NCAM1: variants seen among roughly 807,000 people sequenced by gnomAD.
The protein encoded by NCAM1 is neural cell adhesion molecule 1.
NCAM1 carries 14 observed loss-of-function variants against 109.8 expected under a neutral mutation model. That is an observed-to-expected ratio of 0.13 (90% CI 0.08 to 0.20). NCAM1 has a LOEUF of 0.20. Ranked by LOEUF, NCAM1 falls within the 10% of genes least tolerant of loss-of-function variation. The probability of loss-of-function intolerance (pLI) is 1.00; values close to 1 mark genes in which losing one functional copy is unlikely to be tolerated. For missense variants in NCAM1, 774 were observed against 1,109.9 expected (o/e 0.70, Z 4.30); for synonymous variants, 418 against 442.9 (o/e 0.94, Z 0.70).
At chr11:112,961,752 GT>G in intron 1 of NCAM1, 88 bp downstream of exon 1, 1 of 851,866 alleles carries the variant, frequency 1.2e-6, no homozygotes, top group Non-Finnish European at 1.9e-6. Context: ...ATTTTGGGTG[GT>G]TTTACGTGGA....
In NCAM1 at chr11:113,271,814, C is replaced by A. The variant is rs564202565; in HGVS notation, c.2394C>A (p.Thr798=). 1.1e-5 allele frequency: 18 copies of A among 1,572,422 alleles called. No individual in the cohort carries two copies. The highest frequency in any genetic ancestry group is 1.5e-5 in the Non-Finnish European group (17 of 1,159,246). ...IVEVRTEEER[T]PNHDGGKHTE... is the part of the protein sequence containing the mutation. ...AGGTTCGAACGGAGGAGGAGAGGAC[C>A]CCAAACCATGATGGAGGGAAACACA... The change falls in exon 19 of 20, where the codon ACC becomes ACA. Residue 798 remains threonine, a synonymous_variant. Transcript: ENST00000316851.
chr11:113,001,949 G>A (rs565093289), intron 1 of NCAM1, among the ~76,000 whole-genome samples: 25 of 152,256 alleles, frequency 1.6e-4, no homozygotes, highest in African/African-American at 4.1e-4. Flanking sequence ...GCTTCTCTCC[G>A]TGGAGAGGCA....
intron 1 of NCAM1, among the ~76,000 whole-genome samples, chr11:113,007,169 G>A (rs1555073453): frequency 6.6e-6 from 1 of 152,138 alleles, no homozygotes; most frequent in African/African-American, 2.4e-5. Flanking sequence ...GGGAGCAGGG[G>A]AATGTAAGAT....
At chr11:113,252,910 C>T (rs909490990) in intron 15 of NCAM1, among the ~76,000 whole-genome samples, 25 of 148,894 alleles carry the variant, frequency 1.7e-4, no homozygotes, top group African/African-American at 5.2e-4. Context: ...CTCAGCCTCC[C>T]GAAGTCCTAG....
intron 1 of NCAM1, among the ~76,000 whole-genome samples, chr11:113,065,294 A>T (rs1212067046): frequency 1.3e-5 from 2 of 152,240 alleles, no homozygotes; most frequent in African/African-American, 4.8e-5. Flanking sequence ...TCAGGAGAAG[A>T]GACAAATTTC....
chr11:113,182,259 T>G (rs1208643109), intron 1 of NCAM1, among the ~76,000 whole-genome samples: 1 of 152,162 alleles, frequency 6.6e-6, no homozygotes, highest in African/African-American at 2.4e-5. Flanking sequence ...TCCTACCAGA[T>G]GGCAATATGT....
At chr11:113,138,324 C>T (rs1164164358) in intron 1 of NCAM1, among the ~76,000 whole-genome samples, 9 of 152,208 alleles carry the variant, frequency 5.9e-5, no homozygotes, top group East Asian at 3.9e-4. Context: ...TGCTGTTCCC[C>T]GCATTTCCTA....
chr11:113,240,559 A>T lies in NCAM1; in HGVS notation c.1825+5395A>T. ...CTGTTCCTGGCCCAGACTTTACCTG[A>T]ACTGCAGGGTTTGGCAGGTGCACAG... On this transcript the variant is annotated intron_variant, in intron 14 of 19. Coordinates refer to ENST00000316851, the MANE Select transcript of NCAM1 (RefSeq NM_181351.5). 8 of 556,904 alleles carry T rather than the reference A, an allele frequency of 1.4e-5. No homozygotes were observed. In the South Asian group the frequency reaches 2.0e-4, roughly 14 times the overall value. 34.5% of individuals were successfully genotyped at this position (556,904 alleles called of 1,614,324 possible).
At chr11:113,249,592 T>A (rs1945600677) in intron 15 of NCAM1, among the ~76,000 whole-genome samples, 1 of 152,218 alleles carries the variant, frequency 6.6e-6, no homozygotes, top group Non-Finnish European at 1.5e-5. Flanking sequence ...AGCCCCCTTG[T>A]GGCCTTGGAG....
chr11:113,258,564 C>A lies in NCAM1; in HGVS notation c.1954-1582C>A, dbSNP rs79167665. On this transcript the variant is annotated intron_variant, in intron 16 of 19. Coordinates refer to ENST00000316851, the MANE Select transcript of NCAM1 (RefSeq NM_181351.5). ...CAAATACAGTTTGATAGGAGAAATA[C>A]GGCCAAGTGTTTGATAGATCAGTAG... Among the ~76,000 whole-genome samples, 281 of 152,300 alleles carry A rather than the reference C, an allele frequency of 1.8e-3. 1 individual carries two copies. Among genetic ancestry groups the A allele is most frequent in the African/African-American group, 6.4e-3 (267 of 41,564 alleles).
chr11:113,152,968 G>A (rs1555102739), intron 1 of NCAM1, among the ~76,000 whole-genome samples: 1 of 152,170 alleles, frequency 6.6e-6, no homozygotes, highest in African/African-American at 2.4e-5. Context: ...ATGAATTATA[G>A]AGGGTCGAGC....
At chr11:112,986,932 A>C (rs1951321623) in intron 1 of NCAM1, among the ~76,000 whole-genome samples, 1 of 151,836 alleles carries the variant, frequency 6.6e-6, no homozygotes, top group African/African-American at 2.4e-5. Context: ...TTTTAAATTA[A>C]CTTTGTGCTT....
At chr11:113,106,873 G>C (rs529308886) in intron 1 of NCAM1, among the ~76,000 whole-genome samples, 3 of 152,232 alleles carry the variant, frequency 2.0e-5, no homozygotes, top group Non-Finnish European at 4.4e-5. Flanking sequence ...AAAAATGGCA[G>C]TCAGAACAGA....
At chr11:112,999,919 G>A (rs1486578256) in intron 1 of NCAM1, among the ~76,000 whole-genome samples, 4 of 152,140 alleles carry the variant, frequency 2.6e-5, no homozygotes, top group African/African-American at 9.7e-5. Context: ...AATAAACAAA[G>A]TTTGTTTAAA....
At chr11:113,138,252 G>A (rs1236472264) in intron 1 of NCAM1, among the ~76,000 whole-genome samples, 5 of 152,180 alleles carry the variant, frequency 3.3e-5, no homozygotes, top group African/African-American at 4.8e-5. Flanking sequence ...GATGGGGATC[G>A]AGTTTGAGAG....
At chr11:112,987,072 A>G (rs903714442) in intron 1 of NCAM1, among the ~76,000 whole-genome samples, 4 of 152,112 alleles carry the variant, frequency 2.6e-5, no homozygotes, top group African/African-American at 7.2e-5. Context: ...GCTGCATCCT[A>G]TAAGATTTGG....
chr11:113,044,648 G>A (rs1161710275), intron 1 of NCAM1, among the ~76,000 whole-genome samples: 2 of 152,030 alleles, frequency 1.3e-5, no homozygotes, highest in Non-Finnish European at 2.9e-5. Flanking sequence ...TCGCGTCACT[G>A]CACTCCAGCC....
chr11:112,976,312 C>T (rs1444462701), intron 1 of NCAM1, among the ~76,000 whole-genome samples: 2 of 151,814 alleles, frequency 1.3e-5, no homozygotes, highest in East Asian at 3.9e-4. Flanking sequence ...TGATGAGTTC[C>T]ACTGTGAGTT....
At chr11:113,257,661 C>T (rs558655259) in intron 16 of NCAM1, among the ~76,000 whole-genome samples, 2 of 152,340 alleles carry the variant, frequency 1.3e-5, no homozygotes, top group South Asian at 4.1e-4. Flanking sequence ...TGTTAGATTT[C>T]AACAACCGTA....
Sources: gnomAD v4.1 joint callset for allele counts (sites outside exome capture counted in the v4.1 genomes callset) on GRCh38, gnomAD v4.1.1 for gene constraint, MANE v1.5 for transcripts, NCBI Gene and HGNC (gene_info 2026-07-23, HGNC 2026-07-21) for gene names.